The following PDE10A variants were observed in gnomAD, a reference collection of about 807,000 sequenced individuals.
PDE10A encodes the protein cAMP and cAMP-inhibited cGMP 3',5'-cyclic phosphodiesterase 10A.
A neutral mutation model predicts 97.7 loss-of-function variants in PDE10A; 39 were observed. That is an observed-to-expected ratio of 0.40 (90% CI 0.31 to 0.52). The LOEUF is 0.52. Among genes scored for constraint, PDE10A ranks in the 20% least tolerant of loss-of-function variants. PDE10A has a pLI of 0.56. For missense variants in PDE10A, 731 were observed against 1,047.8 expected, an observed-to-expected ratio of 0.70 and a Z score of 4.17; for synonymous variants, 371 against 376.8, an observed-to-expected ratio of 0.98 and a Z score of 0.18.
In PDE10A at chr6:165,661,475, T is replaced by G. The variant is rs368317786; in HGVS notation, c.865+472A>C. The G allele has an allele frequency of 6.8e-3, 1,040 of 153,682 alleles. 7 individuals carry two copies. The highest frequency in any genetic ancestry group is 0.024 in the African/African-American group (982 of 41,630). The allele number at this position is 153,682 out of a possible 1,614,324, so 9.5% of individuals were successfully genotyped here. On this transcript the variant is annotated intron_variant, in intron 1 of 21. Transcript: ENST00000539869. The surrounding 1 kb of genome is among the most constrained non-coding windows in gnomAD (Gnocchi z 4.8). ...TTGGAAGCGCGGGGTTCTGAGGCCCTGGCCTCCCTCACCCCGGCTACAGGG... is the reference window on the plus strand; with the variant it reads ...TTGGAAGCGCGGGGTTCTGAGGCCCGGGCCTCCCTCACCCCGGCTACAGGG...
chr6:165,716,546 T>TC (rs1792031312), intron 1 of PDE10A, among the ~76,000 whole-genome samples: 1 of 152,240 alleles, frequency 6.6e-6, no homozygotes, highest in Non-Finnish European at 1.5e-5. Context: ...GGGAGCAGTT[T>TC]CAATGGAATA....
chr6:165,559,265 T>G (rs1391804548), intron 1 of PDE10A, among the ~76,000 whole-genome samples: 2 of 152,080 alleles, frequency 1.3e-5, no homozygotes, highest in Admixed American at 1.3e-4. Flanking sequence ...CAATACGAAG[T>G]AGGAAATAAA....
At chr6:165,700,330 G>T (rs1037550539) in intron 1 of PDE10A, among the ~76,000 whole-genome samples, 13 of 152,136 alleles carry the variant, frequency 8.5e-5, no homozygotes, top group African/African-American at 3.1e-4. Context: ...TACAAGGAAT[G>T]AGAGGTAAAG....
At chr6:165,956,164 T>A (rs996714266) in intron 1 of PDE10A, among the ~76,000 whole-genome samples, 1 of 152,256 alleles carries the variant, frequency 6.6e-6, no homozygotes, top group Non-Finnish European at 1.5e-5. Flanking sequence ...TAGTAGCATC[T>A]TATTTTCAGC....
intron 18 of PDE10A, among the ~76,000 whole-genome samples, chr6:165,351,523 T>A (rs1056559456): frequency 1.3e-5 from 2 of 152,236 alleles, no homozygotes; most frequent in African/African-American, 4.8e-5. Flanking sequence ...AATTACTTGC[T>A]ATTTTGGATT....
At chr6:165,335,981 G>C in intron 21 of PDE10A, 142 bp downstream of exon 21, 1 of 709,460 alleles carries the variant, frequency 1.4e-6, no homozygotes, top group East Asian at 2.7e-5. Flanking sequence ...AGCCAGGTAA[G>C]GAGGCCCCGA....
At chr6:165,807,610 G>A (rs1583122032) in intron 1 of PDE10A, among the ~76,000 whole-genome samples, 1 of 152,108 alleles carries the variant, frequency 6.6e-6, no homozygotes, top group Non-Finnish European at 1.5e-5. Context: ...AAGAAGAAAA[G>A]GACAAGTTCA....
intron 1 of PDE10A, among the ~76,000 whole-genome samples, chr6:165,966,336 T>C (rs1784510301): frequency 6.6e-6 from 1 of 152,222 alleles, no homozygotes; most frequent in Non-Finnish European, 1.5e-5. Context: ...GTGAGGCTTT[T>C]CCAGCCCAGT....
chr6:165,426,254 G>T (rs1389148810), intron 10 of PDE10A, among the ~76,000 whole-genome samples: 1 of 152,118 alleles, frequency 6.6e-6, no homozygotes, highest in Non-Finnish European at 1.5e-5. Context: ...ATCTTGAAAA[G>T]TTAGGGAACT....
At chr6:165,721,577 G>C (rs1293832531) in intron 1 of PDE10A, among the ~76,000 whole-genome samples, 1 of 152,188 alleles carries the variant, frequency 6.6e-6, no homozygotes, top group Non-Finnish European at 1.5e-5. Context: ...TGAATGAAAA[G>C]GCAATTGAAT....
intron 19 of PDE10A, among the ~76,000 whole-genome samples, chr6:165,340,884 G>A (rs1465813145): frequency 6.6e-6 from 1 of 152,148 alleles, no homozygotes; most frequent in Non-Finnish European, 1.5e-5. Context: ...TACAACAAGA[G>A]GATCAGAAGC....
intron 2 of PDE10A, among the ~76,000 whole-genome samples, chr6:165,533,694 G>A (rs188325075): frequency 3.9e-5 from 6 of 152,098 alleles, no homozygotes; most frequent in African/African-American, 1.4e-4. Context: ...TTCAACCTTA[G>A]GTCAAATAAT....
chr6:165,986,518 T>G (rs1230788913), intron 1 of PDE10A: 1 of 128,924 alleles, frequency 7.8e-6, no homozygotes, highest in Non-Finnish European at 1.7e-5. Flanking sequence ...TCTCTGTCTC[T>G]CTCTCTCTCT....
intron 1 of PDE10A, among the ~76,000 whole-genome samples, chr6:165,964,242 G>T (rs1016615560): frequency 6.6e-6 from 1 of 152,298 alleles, no homozygotes; most frequent in South Asian, 2.1e-4. Flanking sequence ...CCAAGCAGCT[G>T]CAGCTTAGCA....
intron 3 of PDE10A, among the ~76,000 whole-genome samples, chr6:165,481,741 C>CTTGAAG (rs1763243090): frequency 6.6e-6 from 1 of 151,220 alleles, no homozygotes; most frequent in Non-Finnish European, 1.5e-5. Flanking sequence ...TGCTAAGACT[C>CTTGAAG]TTAACTAGGC....
intron 1 of PDE10A, among the ~76,000 whole-genome samples, chr6:165,562,771 C>T (rs1349841095): frequency 2.0e-5 from 3 of 152,092 alleles, no homozygotes; most frequent in African/African-American, 4.8e-5. Flanking sequence ...TGGCCTGGCA[C>T]GTAGTAAAAT....
chr6:165,703,354 A>C (rs188639430), intron 1 of PDE10A, among the ~76,000 whole-genome samples: 1 of 152,316 alleles, frequency 6.6e-6, no homozygotes, highest in East Asian at 1.9e-4. Flanking sequence ...ATAAACATGC[A>C]TGTCATTTCG....
intron 1 of PDE10A, among the ~76,000 whole-genome samples, chr6:165,634,421 T>G (rs114235686): frequency 0.011 from 1,748 of 152,294 alleles, 43 homozygotes; most frequent in African/African-American, 0.04. Flanking sequence ...CTGGTTCCCC[T>G]TATGTAAAAC....
intron 1 of PDE10A, among the ~76,000 whole-genome samples, chr6:165,891,878 C>A (rs1002809618): frequency 6.6e-6 from 1 of 151,978 alleles, no homozygotes; most frequent in Non-Finnish European, 1.5e-5. Flanking sequence ...TATTAATAAC[C>A]TTCGTGATCA....
Sources: allele counts gnomAD v4.1 joint callset (sites outside exome capture counted in the v4.1 genomes callset), GRCh38; gene constraint gnomAD v4.1.1; non-coding constraint Gnocchi (gnomAD v3.1); transcripts MANE v1.5; gene names NCBI Gene and HGNC (gene_info 2026-07-23, HGNC 2026-07-21).